CUBN: variants seen among roughly 807,000 people sequenced by gnomAD.
CUBN encodes 460 kDa receptor.
Under a neutral mutation model 405.3 loss-of-function variants are expected in CUBN, and 282 were observed. The observed-to-expected ratio is 0.70, with a 90% CI of 0.63 to 0.77. The LOEUF (loss-of-function observed/expected upper bound fraction) is 0.77. Ranked by LOEUF, CUBN falls within the 30% of genes least tolerant of loss-of-function variation. The pLI is 0.00. For synonymous variants in CUBN, 1,684 were observed against 1,617.0 expected, an observed-to-expected ratio of 1.04 and a Z score of -0.99; for missense variants, 4,514 against 4,475.2, an observed-to-expected ratio of 1.01 and a Z score of -0.25.
intron 16 of CUBN, among the ~76,000 whole-genome samples, chr10:17,084,700 GC>G (rs748902691): frequency 2.0e-5 from 3 of 152,172 alleles, no homozygotes; most frequent in Non-Finnish European, 2.9e-5. Context: ...CTTCCAATCT[GC>G]CATTCTCTTC....
intron 57 of CUBN, among the ~76,000 whole-genome samples, 187 bp from the exon 58 acceptor site, chr10:16,874,690 G>C (rs1167361912): frequency 6.6e-6 from 1 of 152,190 alleles, no homozygotes; most frequent in African/African-American, 2.4e-5. Flanking sequence ...TAGGAAGGAA[G>C]ATGAAAGACA....
chr10:17,018,104 G>C (rs1834386644), intron 28 of CUBN, among the ~76,000 whole-genome samples: 1 of 152,156 alleles, frequency 6.6e-6, no homozygotes. Context: ...GAAGAGTTGG[G>C]GGTTGTTAGA....
rs34487389 is a variant in CUBN at position 17,045,360 on chromosome 10, A to AT, written c.3491-173dup. Reference sequence around the variant, plus strand: ...AAAAATCCAATTTTTATTTTTTTCTATTTTTTTTTTTTTTTTTGAGATGGA... The same window carrying AT: ...AAAAATCCAATTTTTATTTTTTTCTATTTTTTTTTTTTTTTTTTGAGATGGA... On this transcript the variant is annotated intron_variant, in intron 24 of 66. Coordinates refer to ENST00000377833, the MANE Select transcript of CUBN (RefSeq NM_001081.4). Among the ~76,000 whole-genome samples, 968 of 134,292 alleles carry AT rather than the reference A, an allele frequency of 7.2e-3. 5 individuals carry two copies. The highest frequency in any genetic ancestry group is 0.011 in the African/African-American group (390 of 35,880). The allele number at this position is 134,292 out of a possible 152,430, so 88.1% of individuals were successfully genotyped here.
At chr10:16,996,754 C>T (rs1833746214) in intron 28 of CUBN, among the ~76,000 whole-genome samples, 1 of 152,300 alleles carries the variant, frequency 6.6e-6, no homozygotes, top group South Asian at 2.1e-4. Context: ...TGCTGGCTGG[C>T]ATTTTCCTGA....
intron 59 of CUBN, among the ~76,000 whole-genome samples, chr10:16,856,179 C>T (rs1839864387): frequency 6.6e-6 from 1 of 152,078 alleles, no homozygotes; most frequent in Admixed American, 6.5e-5. Flanking sequence ...CCATCTTAAC[C>T]TTGATATGTT....
chr10:17,018,643 G>T (rs1450926926), intron 28 of CUBN, among the ~76,000 whole-genome samples: 1 of 152,114 alleles, frequency 6.6e-6, no homozygotes, highest in African/African-American at 2.4e-5. Context: ...GGCTAGGGTG[G>T]CCAGCTTTTA....
chr10:17,011,843 C>T (rs1247894307), intron 28 of CUBN, among the ~76,000 whole-genome samples: 1 of 140,356 alleles, frequency 7.1e-6, no homozygotes, highest in African/African-American at 3.3e-5. Context: ...ACACAGAGCG[C>T]TGATTGGTGC....
At chr10:17,048,252 T>C (rs1400198193) in intron 22 of CUBN, among the ~76,000 whole-genome samples, 1 of 152,262 alleles carries the variant, frequency 6.6e-6, no homozygotes, top group East Asian at 1.9e-4. Context: ...CAGTAAATGG[T>C]GGTCATTTAC....
chr10:17,119,716 G>A (rs905929462), intron 6 of CUBN, among the ~76,000 whole-genome samples: 1 of 152,132 alleles, frequency 6.6e-6, no homozygotes, highest in Non-Finnish European at 1.5e-5. Flanking sequence ...CACGTCTTCA[G>A]AACAAAGAGG....
chr10:17,055,733 A>T (rs1835379089), intron 22 of CUBN, among the ~76,000 whole-genome samples: 1 of 152,120 alleles, frequency 6.6e-6, no homozygotes, highest in South Asian at 2.1e-4. Context: ...ACATGCACAA[A>T]CTCTACACTG....
intron 48 of CUBN, among the ~76,000 whole-genome samples, chr10:16,912,971 T>G (rs1841774998): frequency 6.6e-6 from 1 of 152,180 alleles, no homozygotes; most frequent in African/African-American, 2.4e-5. Flanking sequence ...TGGAACTTTC[T>G]AAAATAATCC....
chr10:17,064,105 A>G (rs11254352), intron 22 of CUBN, among the ~76,000 whole-genome samples: 4,242 of 152,298 alleles, frequency 0.028, 198 homozygotes, highest in African/African-American at 0.098. Flanking sequence ...ACCATAGCCT[A>G]TTGTAACTGC....
intron 27 of CUBN, among the ~76,000 whole-genome samples, chr10:17,032,773 T>C (rs1023179862): frequency 2.0e-5 from 3 of 152,200 alleles, no homozygotes; most frequent in Non-Finnish European, 1.5e-5. Flanking sequence ...GGAATACAAA[T>C]GTCCAATAGA....
chr10:16,999,460 C>G (rs1174327368), intron 28 of CUBN, among the ~76,000 whole-genome samples: 2 of 152,206 alleles, frequency 1.3e-5, no homozygotes, highest in Non-Finnish European at 2.9e-5. Context: ...AATGGTTTCC[C>G]AGTAGAAATC....
chr10:16,948,219 A>C lies in CUBN; in HGVS notation c.5209+259T>G, dbSNP rs74228756. ...GTGAGACTCCATCTCAAAAACAACA[A>C]AAGAACACCAAGTCATCTGATAGCA... On this transcript the variant is annotated intron_variant, in intron 35 of 66. Coordinates refer to ENST00000377833, the MANE Select transcript of CUBN (RefSeq NM_001081.4). 7.5e-3 allele frequency among the ~76,000 whole-genome samples: 1,145 copies of C among 152,296 alleles called. 31 individuals are homozygous for C. The East Asian group carries it at 0.11, about 14-fold the overall frequency.
chr10:16,972,383 T>G lies in CUBN; in HGVS notation c.4695+10101A>C, dbSNP rs139622441. ...TATATAATATTTAAACCCAAAAGTT[T>G]ACAAGTCAAACTCACTATCATCTAC... On this transcript the variant is annotated intron_variant, in intron 31 of 66. Transcript: ENST00000377833. Among the ~76,000 whole-genome samples the G allele has an allele frequency of 1.3e-3, 200 of 152,240 alleles. 1 individual carries two copies. The highest frequency in any genetic ancestry group is 4.6e-3 in the African/African-American group (193 of 41,530).
At chr10:16,953,557 TG>T in intron 32 of CUBN, among the ~76,000 whole-genome samples, 1 of 151,944 alleles carries the variant, frequency 6.6e-6, no homozygotes, top group Non-Finnish European at 1.5e-5. Context: ...TGAAAGGCAA[TG>T]GGTAAAAAGG....
intron 4 of CUBN, among the ~76,000 whole-genome samples, chr10:17,126,095 A>AT: frequency 6.6e-6 from 1 of 152,312 alleles, no homozygotes; most frequent in East Asian, 1.9e-4. Context: ...GATGAAGAAT[A>AT]TTTTTGCAGA....
rs1191102926 is a variant in CUBN, at chr10:16,900,789, A to G, written c.8246T>C (p.Val2749Ala). The change falls in exon 53 of 67, where the codon GTC becomes GCC. Residue 2749 changes from valine to alanine, a missense_variant. Val to Ala is a moderately conservative substitution (Grantham distance 64). Around this residue, in one of 5 missense-constraint regions of CUBN, gnomAD observed 1,186 missense variants for 1,186.9 expected, o/e 1.00. Transcript: ENST00000377833. Reference protein sequence around the residue: ...HTTCAWDSVTVRNGGSPESPI... With the variant: ...HTTCAWDSVTARNGGSPESPI... ...TGATTCAGGGGACCCACCATTCCTG[A>G]CAGTGACAGAGTCCCAAGCACAAGT... The G allele has an allele frequency of 3.1e-6, 5 of 1,614,024 alleles. No individual in the cohort carries two copies. Among genetic ancestry groups the G allele is most frequent in the African/African-American group, 2.7e-5 (2 of 74,926 alleles).
Sources: gnomAD v4.1 joint callset for allele counts (sites outside exome capture counted in the v4.1 genomes callset) on GRCh38, gnomAD v4.1.1 for gene constraint, gnomAD v4.1.1 regional missense constraint, MANE v1.5 for transcripts, NCBI Gene and HGNC (gene_info 2026-07-23, HGNC 2026-07-21) for gene names.